Variants in NTM observed in about 807,000 individuals in gnomAD.
NTM encodes IgLON family member 2.
In NTM, 13 loss-of-function variants were observed where a neutral mutation model predicts 42.1. That is an observed-to-expected ratio of 0.31 (90% CI 0.20 to 0.49). The LOEUF (loss-of-function observed/expected upper bound fraction) is 0.49. Among genes scored for constraint, NTM ranks in the 20% least tolerant of loss-of-function variants. The pLI, the probability that NTM is intolerant of heterozygous loss-of-function variation, is 0.99. For synonymous variants in NTM, 187 were observed against 179.2 expected (o/e 1.04, Z -0.35); for missense variants, 373 against 452.8 (o/e 0.82, Z 1.60).
At chr11:131,975,322 G>A (rs183129439) in intron 2 of NTM, among the ~76,000 whole-genome samples, 10 of 152,030 alleles carry the variant, frequency 6.6e-5, no homozygotes, top group Admixed American at 2.6e-4. Context: ...CAGGACTACA[G>A]GTGCACGCCA....
At chr11:131,723,028 G>A (rs1040703006) in intron 1 of NTM, among the ~76,000 whole-genome samples, 1 of 152,164 alleles carries the variant, frequency 6.6e-6, no homozygotes, top group Admixed American at 6.5e-5. Flanking sequence ...TGCACAGACG[G>A]GTTAAATGGT....
intron 1 of NTM, among the ~76,000 whole-genome samples, chr11:131,880,827 G>T (rs1387121476): frequency 6.6e-6 from 1 of 151,392 alleles, no homozygotes; most frequent in African/African-American, 2.4e-5. Flanking sequence ...TGCCCCCAAA[G>T]CTGGGGTTAG....
At chr11:131,728,246 G>C (rs1482970774) in intron 1 of NTM, among the ~76,000 whole-genome samples, 2 of 152,146 alleles carry the variant, frequency 1.3e-5, no homozygotes, top group East Asian at 1.9e-4. Context: ...CCACAAGACT[G>C]TTTCCCCACT....
intron 2 of NTM, among the ~76,000 whole-genome samples, chr11:132,070,543 AC>A (rs776054882): frequency 2.4e-5 from 3 of 123,540 alleles, no homozygotes; most frequent in East Asian, 2.4e-4. Context: ...CGTCAAACTG[AC>A]CGTCACAGTT....
chr11:131,724,022 G>C (rs1243716693), intron 1 of NTM, among the ~76,000 whole-genome samples: 1 of 152,192 alleles, frequency 6.6e-6, no homozygotes, highest in Admixed American at 6.5e-5. Flanking sequence ...TTCCTTTTCA[G>C]GCAGTGCATC....
In NTM at chr11:131,473,994, C is replaced by A. The variant is rs139560890; in HGVS notation, c.82+103106C>A. ...TGTCTTCTTCTGACAATGGTCTTAT[C>A]TTTCTCCTTCCATTCTCATCCAACT... On this transcript the variant is annotated intron_variant, in intron 1 of 8. Transcript: ENST00000683400. 3.4e-4 allele frequency among the ~76,000 whole-genome samples: 52 copies of A among 152,184 alleles called. No homozygotes were observed. In the East Asian group the frequency reaches 9.5e-3, roughly 28 times the overall value.
At chr11:131,684,225 C>A (rs1230181796) in intron 1 of NTM, among the ~76,000 whole-genome samples, 2 of 152,176 alleles carry the variant, frequency 1.3e-5, no homozygotes, top group Non-Finnish European at 2.9e-5. Flanking sequence ...GCAGCCTTCA[C>A]CACGAGGACG....
intron 2 of NTM, among the ~76,000 whole-genome samples, chr11:132,004,420 T>C (rs1455251372): frequency 6.6e-6 from 1 of 152,178 alleles, no homozygotes; most frequent in Admixed American, 6.5e-5. Context: ...GCAAATGCAT[T>C]TTCCTGTGGT....
chr11:131,527,352 T>C (rs1260877219), intron 1 of NTM, among the ~76,000 whole-genome samples: 2 of 152,188 alleles, frequency 1.3e-5, no homozygotes, highest in African/African-American at 4.8e-5. Context: ...TCATCTCTAG[T>C]TCTATAACCA....
chr11:131,430,328 T>C (rs1249746656), intron 1 of NTM, among the ~76,000 whole-genome samples: 1 of 152,002 alleles, frequency 6.6e-6, no homozygotes, highest in East Asian at 1.9e-4. Flanking sequence ...GTTCCAGGGA[T>C]GGGGGTGGAG....
intron 1 of NTM, among the ~76,000 whole-genome samples, chr11:131,523,782 CA>C (rs3040114): frequency 0.023 from 1,664 of 72,082 alleles, 3 homozygotes; most frequent in Middle Eastern, 0.029. Flanking sequence ...GACTCCATCT[CA>C]AAAAAAAAAA....
chr11:132,056,613 T>C (rs2079710205), intron 2 of NTM, among the ~76,000 whole-genome samples: 1 of 152,250 alleles, frequency 6.6e-6, no homozygotes, highest in Non-Finnish European at 1.5e-5. Flanking sequence ...ACAAGGAGAA[T>C]CAGACTCTCT....
intron 4 of NTM, among the ~76,000 whole-genome samples, chr11:132,304,796 G>A (rs905600640): frequency 1.1e-4 from 16 of 152,290 alleles, no homozygotes; most frequent in African/African-American, 3.6e-4. Flanking sequence ...ATCAAAAAGT[G>A]TACATGTAAT....
intron 2 of NTM, among the ~76,000 whole-genome samples, chr11:131,991,876 A>T (rs2067087161): frequency 6.6e-6 from 1 of 152,098 alleles, no homozygotes; most frequent in Non-Finnish European, 1.5e-5. Flanking sequence ...ATTTGGGAGG[A>T]GGAGAAAGGT....
intron 1 of NTM, among the ~76,000 whole-genome samples, chr11:131,700,064 T>C (rs2658824): frequency 0.13 from 20,189 of 151,914 alleles, 1,691 homozygotes; most frequent in South Asian, 0.22. Flanking sequence ...AGCTGGGAAA[T>C]TATGCATGTA....
At chr11:131,861,039 G>A (rs540249898) in intron 1 of NTM, among the ~76,000 whole-genome samples, 1 of 152,114 alleles carries the variant, frequency 6.6e-6, no homozygotes, top group Non-Finnish European at 1.5e-5. Context: ...TAGTCCCCTA[G>A]GATTTCTTCA....
intron 2 of NTM, among the ~76,000 whole-genome samples, chr11:132,065,086 T>C (rs1203594025): frequency 6.6e-6 from 1 of 152,172 alleles, no homozygotes; most frequent in Non-Finnish European, 1.5e-5. Flanking sequence ...GTGCAGGGCA[T>C]GTGACTCTTG....
intron 1 of NTM, among the ~76,000 whole-genome samples, chr11:131,639,971 A>AT (rs908874951): frequency 6.3e-5 from 9 of 142,688 alleles, no homozygotes; most frequent in African/African-American, 2.2e-4. Context: ...ATAAAAATAA[A>AT]AATAAATAAT....
At chr11:131,500,711 T>A (rs1404674296) in intron 1 of NTM, among the ~76,000 whole-genome samples, 2 of 147,244 alleles carry the variant, frequency 1.4e-5, no homozygotes, top group Non-Finnish European at 3.0e-5. Flanking sequence ...ATTAGCTATA[T>A]CTCCTAATGC....
Sources: gnomAD v4.1 joint callset for allele counts (sites outside exome capture counted in the v4.1 genomes callset) on GRCh38, gnomAD v4.1.1 for gene constraint, MANE v1.5 for transcripts, NCBI Gene and HGNC (gene_info 2026-07-23, HGNC 2026-07-21) for gene names.